MEGF8: variants seen among roughly 807,000 people sequenced by gnomAD.
The protein encoded by MEGF8 is multiple epidermal growth factor-like domains protein 8.
In MEGF8, 156 loss-of-function variants were observed where a neutral mutation model predicts 302.9. The observed-to-expected ratio is 0.52, with a 90% CI of 0.45 to 0.59. The LOEUF is 0.59. MEGF8 is among the 20% of genes least tolerant of loss of function. The pLI is 0.00. For synonymous variants in MEGF8, 1,621 were observed against 1,660.5 expected, an observed-to-expected ratio of 0.98 and a Z score of 0.58; for missense variants, 3,345 against 3,964.5, an observed-to-expected ratio of 0.84 and a Z score of 4.20.
chr19:42,359,795 C>G (rs10423812), intron 31 of MEGF8, among the ~76,000 whole-genome samples: 3,368 of 152,082 alleles, frequency 0.022, 135 homozygotes, highest in African/African-American at 0.075. Context: ...AGCAAGCAAT[C>G]CTCCCTCCTC....
In MEGF8 at chr19:42,358,187, C is replaced by T; in HGVS notation, c.5055C>T (p.Ser1685=). The T allele has an allele frequency of 6.2e-7, 1 of 1,601,974 alleles. No individual in the cohort carries two copies. The highest frequency in any genetic ancestry group is 8.5e-7 in the Non-Finnish European group (1 of 1,174,804). ...CTGTCTACCACGAGGCCACCGACTC[C>T]CTCTACGTGTTTGGGGGGTTCCGAT... ...HSAVYHEATD[S]LYVFGGFRFH... The change falls in exon 29 of 42, where the codon TCC becomes TCT. Residue 1685 remains serine (S), a synonymous_variant. Transcript: ENST00000251268. This position sits in a 1 kb window ranked among gnomAD's most constrained non-coding sequence, Gnocchi z 4.4.
In MEGF8 at chr19:42,353,983, C is replaced by G; in HGVS notation, c.3970C>G (p.Leu1324Val). ...PCAPGTLCPP[L>V]TLTFSPDSST... ...TGCTCCCGGGACCCTCTGTCCCCCA[C>G]TCACCCTCACCTTCTCCCCCGACAG... Residue 1324 changes from leucine to valine, a missense_variant, in exon 22 of 42, where the codon CTC (leucine) becomes GTC (valine). Transcript: ENST00000251268. This position sits in a 1 kb window ranked among gnomAD's most constrained non-coding sequence, Gnocchi z 6.1. The G allele has an allele frequency of 7.6e-6, 12 of 1,583,146 alleles. No homozygotes were observed. Among genetic ancestry groups the G allele is most frequent in the Non-Finnish European group, 1.0e-5 (12 of 1,165,002 alleles).
At chr19:42,331,368 G>GCAGAGC (rs929569321) in intron 1 of MEGF8, among the ~76,000 whole-genome samples, 5 of 152,108 alleles carry the variant, frequency 3.3e-5, no homozygotes, top group Non-Finnish European at 5.9e-5. Context: ...CTGGTCATGG[G>GCAGAGC]CAGAGCCAGA....
In MEGF8 at chr19:42,375,138, G is replaced by A. The variant is rs543420955; in HGVS notation, c.7270-369G>A. ...CCTGTGTGCAGAGCTCATGGGTTAAGTCTGTGTGCTCAGGCTCAGTGAGGT... is the reference window on the plus strand; with the variant it reads ...CCTGTGTGCAGAGCTCATGGGTTAAATCTGTGTGCTCAGGCTCAGTGAGGT... On this transcript the variant is annotated intron_variant, in intron 41 of 41. Transcript: ENST00000251268. This position sits in a 1 kb window ranked among gnomAD's most constrained non-coding sequence, Gnocchi z 7.1. Among the ~76,000 whole-genome samples the A allele has an allele frequency of 6.6e-6, 1 of 152,338 alleles. No individual in the cohort carries two copies. The highest frequency in any genetic ancestry group is 2.1e-4 in the South Asian group (1 of 4,824).
intron 31 of MEGF8, among the ~76,000 whole-genome samples, chr19:42,360,345 G>GTT (rs1199801761): frequency 2.0e-4 from 26 of 127,454 alleles, no homozygotes; most frequent in Admixed American, 3.9e-4. Context: ...TGCTTCTGCT[G>GTT]TTTTTTTTTT....
intron 31 of MEGF8, among the ~76,000 whole-genome samples, chr19:42,359,853 ATTTTTTTT>A (rs891961465): frequency 2.4e-5 from 3 of 125,422 alleles, no homozygotes; most frequent in African/African-American, 9.5e-5. Flanking sequence ...CGCCTGGATA[ATTTTTTTT>A]TTTTTTTTTT....
chr19:42,327,006 CTTA>C (rs1481739294), intron 1 of MEGF8, among the ~76,000 whole-genome samples: 4 of 152,106 alleles, frequency 2.6e-5, no homozygotes, highest in Non-Finnish European at 4.4e-5. Context: ...TGCCTGGCTT[CTTA>C]TTATTAGCTT....
At position 42,370,693 on chromosome 19, in the gene MEGF8, T is replaced by A. The variant is rs1445598838; in HGVS notation, c.7006-8T>A. 2 of 1,591,336 alleles carry A rather than the reference T, an allele frequency of 1.3e-6. No individual in the cohort carries two copies. The highest frequency in any genetic ancestry group is 1.7e-6 in the Non-Finnish European group (2 of 1,169,002). ...CTTTCTATGATCACACTGTCCTTCC[T>A]TGGCCAGATTGAAAACTGGGTGACA... On this transcript the variant is annotated splice_region_variant and splice_polypyrimidine_tract_variant and intron_variant, in intron 39 of 41. Transcript: ENST00000251268.
chr19:42,336,408 T>A lies in MEGF8; in HGVS notation c.1244+62T>A. ...CAGGCCCAGCTCAACACCATAGGCC[T>A]TTAGTCTTTAGAGGTCTTTGCCCAC... On this transcript the variant is annotated intron_variant, in intron 6 of 41. Coordinates refer to ENST00000251268, the MANE Select transcript of MEGF8 (RefSeq NM_001271938.2). This position sits in a 1 kb window ranked among gnomAD's most constrained non-coding sequence, Gnocchi z 4.8. 6.8e-7 allele frequency: 1 copy of A among 1,468,614 alleles called. No homozygotes were observed. Among genetic ancestry groups the A allele is most frequent in the South Asian group, 1.4e-5 (1 of 73,312 alleles). 91.0% of individuals were successfully genotyped at this position (1,468,614 alleles called of 1,614,324 possible). A position where few individuals can be genotyped will look rare whatever the true frequency, so the allele number is the denominator to read the frequency against.
rs1430011191 is a variant in MEGF8 at position 42,348,312 on chromosome 19, G to A, written c.2138G>A (p.Ser713Asn). The part of the protein sequence containing the change: ...VRSTTITLTP[S>N]AETDVSLVYR... ...AGCACGACCATCACCCTAACACCCA[G>A]CGCAGAGACAGATGTGTCCCTGGTC... The change falls in exon 13 of 42, where the codon AGC becomes AAC. Residue 713 changes from serine to asparagine, a missense_variant. Coordinates refer to ENST00000251268, the MANE Select transcript of MEGF8 (RefSeq NM_001271938.2). 2.6e-6 allele frequency: 4 copies of A among 1,537,608 alleles called. No homozygotes were observed. In the South Asian group the frequency reaches 4.8e-5, roughly 18 times the overall value.
Position 42,336,719 on chromosome 19 carries a change from C to T in MEGF8, c.1245-88C>T. 4 of 1,502,938 alleles carry T rather than the reference C, an allele frequency of 2.7e-6. No homozygotes were observed. Among genetic ancestry groups the T allele is most frequent in the Non-Finnish European group, 2.7e-6 (3 of 1,124,384 alleles). 93.1% of individuals were successfully genotyped at this position (1,502,938 alleles called of 1,614,324 possible). ...AGAGTCAGTCATGGCCAGTCTCATC[C>T]CTGGGTGATCACATGGCTCCTAAGA... On this transcript the variant is annotated intron_variant, in intron 6 of 41. Transcript: ENST00000251268. The surrounding 1 kb of genome is among the most constrained non-coding windows in gnomAD (Gnocchi z 4.8).
rs754638874 is a variant in MEGF8, at chr19:42,351,555, C to T, written c.2982C>T (p.Asp994=). 2.6e-5 allele frequency: 42 copies of T among 1,609,002 alleles called. No individual in the cohort carries two copies. The highest frequency in any genetic ancestry group is 1.6e-4 in the Middle Eastern group (1 of 6,076). Residue 994 remains aspartate, a synonymous_variant, in exon 17 of 42, where the codon GAC becomes GAT. Coordinates refer to ENST00000251268, the MANE Select transcript of MEGF8 (RefSeq NM_001271938.2). This position sits in a 1 kb window ranked among gnomAD's most constrained non-coding sequence, Gnocchi z 5.6. ...RYPHGGCRGW[D]DSVHSEPRCR... ...CACACGGGGGCTGTCGAGGCTGGGA[C>T]GACAGGTATGGTCCCTGGGGCAGGG...
Position 42,344,169 on chromosome 19 carries a change from C to G in MEGF8, c.1788+96C>G. 1 of 1,462,178 alleles carries G rather than the reference C, an allele frequency of 6.8e-7. No individual in the cohort carries two copies. The highest frequency in any genetic ancestry group is 9.1e-7 in the Non-Finnish European group (1 of 1,096,054). 90.6% of individuals were successfully genotyped at this position (1,462,178 alleles called of 1,614,324 possible). A position where few individuals can be genotyped will look rare whatever the true frequency, so the allele number is the denominator to read the frequency against. The stretch of plus-strand genomic sequence containing the variant: ...CAGATGGACAAGAACTTTCCCTCAA[C>G]TGGGAGACTTGTTTTCATGCCGGAG... On this transcript the variant is annotated intron_variant, in intron 10 of 41. Transcript: ENST00000251268. This position sits in a 1 kb window ranked among gnomAD's most constrained non-coding sequence, Gnocchi z 4.5.
intron 1 of MEGF8, among the ~76,000 whole-genome samples, chr19:42,327,640 G>A (rs1011789900): frequency 3.2e-4 from 48 of 152,352 alleles, no homozygotes; most frequent in African/African-American, 1.1e-3. Flanking sequence ...TGCCCCAGTG[G>A]CTCTTTCTCT....
In MEGF8 at chr19:42,353,347, G is replaced by C; in HGVS notation, c.3551-118G>C. The C allele has an allele frequency of 1.6e-6, 2 of 1,241,346 alleles. No homozygotes were observed. Among genetic ancestry groups the C allele is most frequent in the Non-Finnish European group, 2.2e-6 (2 of 895,488 alleles). The allele number at this position is 1,241,346 out of a possible 1,614,324, so 76.9% of individuals were successfully genotyped here. On this transcript the variant is annotated intron_variant, in intron 20 of 41. Transcript: ENST00000251268. The surrounding 1 kb of genome is among the most constrained non-coding windows in gnomAD (Gnocchi z 6.1). Reference sequence around the variant, plus strand: ...GGGACTTGCTGTTTCCCCTGATCTGGGCCTTGGTTTCTCACCTTTGAAGCG... The same window carrying C: ...GGGACTTGCTGTTTCCCCTGATCTGCGCCTTGGTTTCTCACCTTTGAAGCG...
chr19:42,372,076 C>A lies in MEGF8; in HGVS notation c.7269+594C>A, dbSNP rs578262391. 1.7e-3 allele frequency among the ~76,000 whole-genome samples: 185 copies of A among 111,372 alleles called. 1 individual carries two copies. Among genetic ancestry groups the A allele is most frequent in the Admixed American group, 3.0e-3 (34 of 11,464 alleles). The allele number at this position is 111,372 out of a possible 152,430, so 73.1% of individuals were successfully genotyped here. On this transcript the variant is annotated intron_variant, in intron 41 of 41. Transcript: ENST00000251268. ...CAACAACAACAACAACAACAACAAA[C>A]ACACACACACACACACACACACAAC...
chr19:42,355,508 G>A (rs1050055132), intron 23 of MEGF8, among the ~76,000 whole-genome samples: 2 of 152,256 alleles, frequency 1.3e-5, no homozygotes, highest in Admixed American at 1.3e-4. Flanking sequence ...CCGGTGTCCA[G>A]GTGGGACAGG....
At position 42,354,112 on chromosome 19, in the gene MEGF8, A is replaced by T; in HGVS notation, c.4011+88A>T. On this transcript the variant is annotated intron_variant, in intron 22 of 41. Coordinates refer to ENST00000251268, the MANE Select transcript of MEGF8 (RefSeq NM_001271938.2). The surrounding 1 kb of genome is among the most constrained non-coding windows in gnomAD (Gnocchi z 4.3). ...TGCATCCTCAGACCCTGACCCTAGT[A>T]TTGCTGTTTTTTTTTTTTTGTTTTT... The T allele has an allele frequency of 1.4e-5, 19 of 1,317,020 alleles. No individual in the cohort carries two copies. Among genetic ancestry groups the T allele is most frequent in the Non-Finnish European group, 1.8e-5 (18 of 987,696 alleles). The allele number at this position is 1,317,020 out of a possible 1,614,324, so 81.6% of individuals were successfully genotyped here. A position where few individuals can be genotyped will look rare whatever the true frequency, so the allele number is the denominator to read the frequency against.
At chr19:42,373,755 C>G (rs2039727162) in intron 41 of MEGF8, among the ~76,000 whole-genome samples, 1 of 148,410 alleles carries the variant, frequency 6.7e-6, no homozygotes, top group East Asian at 2.0e-4. Flanking sequence ...CTCTGTCACC[C>G]AGGCTAGAGT....
Sources: gnomAD v4.1 joint callset for allele counts (sites outside exome capture counted in the v4.1 genomes callset) on GRCh38, gnomAD v4.1.1 for gene constraint, Gnocchi (gnomAD v3.1) non-coding constraint, MANE v1.5 for transcripts, NCBI Gene and HGNC (gene_info 2026-07-23, HGNC 2026-07-21) for gene names.